The following DNAJC28 variants were observed in gnomAD, a reference collection of about 807,000 sequenced individuals.
The protein encoded by DNAJC28 is DnaJ heat shock protein family (Hsp40) member C28.
Under a neutral mutation model 33.3 loss-of-function variants are expected in DNAJC28, and 24 were observed. The observed-to-expected ratio is 0.72, with a 90% CI of 0.52 to 1.01. The LOEUF is 1.01. Among genes scored for constraint, DNAJC28 ranks in the 50% least tolerant of loss-of-function variants. The pLI is 0.00. For synonymous variants in DNAJC28, 120 were observed against 147.2 expected (o/e 0.82, Z 1.34); for missense variants, 442 against 455.2 (o/e 0.97, Z 0.26).
At chr21:33,490,685 C>T (rs1252820662) in intron 1 of DNAJC28, among the ~76,000 whole-genome samples, 1 of 151,870 alleles carries the variant, frequency 6.6e-6, no homozygotes, top group African/African-American at 2.4e-5. Context: ...CGCTTGAACC[C>T]GGGAGGTGGA....
chr21:33,488,336 C>T lies in DNAJC28; in HGVS notation c.1058G>A (p.Arg353Lys), dbSNP rs2084480308. ...TCCTTGATCAAGGTTATTTGGGTTT[C>T]TATCTGTGACTTCTTTTGTTTTTAT... is the stretch of plus-strand genomic sequence containing the variant. ...TLIKTKEVTD[R>K]NPNNLDQGEG... Residue 353 changes from arginine to lysine, a missense_variant, in exon 2 of 2, where the codon AGA becomes AAA. By Grantham distance (26) the Arg-to-Lys change is conservative. Coordinates refer to ENST00000381947, the MANE Select transcript of DNAJC28 (RefSeq NM_001040192.3). 4 of 1,583,350 alleles carry T rather than the reference C, an allele frequency of 2.5e-6. No individual in the cohort carries two copies. The highest frequency in any genetic ancestry group is 3.4e-6 in the Non-Finnish European group (4 of 1,172,264).
In DNAJC28 at chr21:33,488,957, G is replaced by A. The variant is rs1319923729; in HGVS notation, c.437C>T (p.Thr146Ile). 1.2e-6 allele frequency: 2 copies of A among 1,613,756 alleles called. No homozygotes were observed. Among genetic ancestry groups the A allele is most frequent in the Admixed American group, 1.7e-5 (1 of 59,978 alleles). The change falls in exon 2 of 2, where the codon ACT becomes ATT. Residue 146 changes from threonine to isoleucine, a missense_variant. Coordinates refer to ENST00000381947, the MANE Select transcript of DNAJC28 (RefSeq NM_001040192.3). ...YLSFEGIGFG[T>I]PTQREKHYRQ... is the part of the protein sequence containing the mutation. ...ATAATGCTTCTCTCGTTGAGTTGGA[G>A]TCCCAAAACCAATACCTTCAAAACT...
In DNAJC28 at chr21:33,488,757, C is replaced by T; in HGVS notation, c.637G>A (p.Ala213Thr). ...CTGAGATTGTCAAAGTCTCCTTTTG[C>T]CATGGATTCTTGAATGAGGTCCTCC... ...LVEDLIQESMAKGDFDNLSGK... is the reference protein window; with the variant it reads ...LVEDLIQESMTKGDFDNLSGK... Residue 213 changes from alanine (A) to threonine (T), a missense_variant, in exon 2 of 2, where the codon GCA becomes ACA. Physicochemically the swap from Ala to Thr is moderately conservative, Grantham distance 58 (BLOSUM62 0). Transcript: ENST00000381947. 6.2e-7 allele frequency: 1 copy of T among 1,612,698 alleles called. No homozygotes were observed. The highest frequency in any genetic ancestry group is 1.3e-5 in the African/African-American group (1 of 74,946).
In DNAJC28 at chr21:33,488,671, G is replaced by A. The variant is rs1028315934; in HGVS notation, c.723C>T (p.His241=). 6 of 1,612,294 alleles carry A rather than the reference G, an allele frequency of 3.7e-6. No homozygotes were observed. The African/African-American group carries it at 8.0e-5, about 22-fold the overall frequency. The part of the protein sequence containing the change: ...SDCSYIDPMT[H]NLNRILIDNG... ...TATCGATCAGTATTCGGTTCAGGTT[G>A]TGAGTCATGGGATCAATGTAAGAAC... The change falls in exon 2 of 2, where the codon CAC becomes CAT. Residue 241 remains histidine, a synonymous_variant. Transcript: ENST00000381947.
chr21:33,489,593 T>A, intron 1 of DNAJC28, among the ~76,000 whole-genome samples, 169 bp from the exon 2 acceptor site: 1 of 144,038 alleles, frequency 6.9e-6, no homozygotes, highest in Non-Finnish European at 1.5e-5. Context: ...TGAGACAGAG[T>A]CTCGCTCTGT....
chr21:33,490,120 CT>C (rs899299286), intron 1 of DNAJC28, among the ~76,000 whole-genome samples: 297 of 132,748 alleles, frequency 2.2e-3, no homozygotes, highest in Middle Eastern at 4.4e-3. Flanking sequence ...CTTTTCTTTT[CT>C]TTTTTTTTTT....
In DNAJC28 at chr21:33,488,342, G is replaced by GTT. The variant is rs1485695932; in HGVS notation, c.1051_1052insAA (p.Thr351LysfsTer25). On this transcript the variant is annotated frameshift_variant, in exon 2 of 2. Transcript: ENST00000381947. LOFTEE classifies it high-confidence loss of function. ...ATCAAGGTTATTTGGGTTTCTATCT[G>GTT]TGACTTCTTTTGTTTTTATAAGGGT... 4.4e-6 allele frequency: 7 copies of GTT among 1,585,038 alleles called. No individual in the cohort carries two copies. Among genetic ancestry groups the GTT allele is most frequent in the Non-Finnish European group, 5.1e-6 (6 of 1,173,036 alleles).
chr21:33,489,217 C>T lies in DNAJC28; in HGVS notation c.177G>A (p.Glu59=). ...IREYYRLLNV[E]EGCSADEVRE... ...TGACTTCATCTGCAGAGCATCCTTC[C>T]TCCACGTTCAGCAGTCTATAATATT... The change falls in exon 2 of 2, where the codon GAG becomes GAA. Residue 59 remains glutamate, a synonymous_variant. Coordinates refer to ENST00000381947, the MANE Select transcript of DNAJC28 (RefSeq NM_001040192.3). The T allele has an allele frequency of 6.2e-7, 1 of 1,606,258 alleles. No individual in the cohort carries two copies. Among genetic ancestry groups the T allele is most frequent in the Non-Finnish European group, 8.5e-7 (1 of 1,177,518 alleles).
In DNAJC28 at chr21:33,491,698, G is replaced by GA. The variant is rs372432804; in HGVS notation, c.-129_-128insT. 160 of 152,418 alleles carry GA rather than the reference G, an allele frequency of 1.0e-3. No individual in the cohort carries two copies. The highest frequency in any genetic ancestry group is 3.5e-3 in the African/African-American group (146 of 41,580). 9.4% of individuals were successfully genotyped at this position (152,418 alleles called of 1,614,324 possible). A position where few individuals can be genotyped will look rare whatever the true frequency, so the allele number is the denominator to read the frequency against. ...CAGGCAGGGCACCTCGGGAGCCTTC[G>GA]TCCCGACCGGGGACCACCAGCTCCA... On this transcript the variant is annotated 5_prime_UTR_variant, in exon 1 of 2. Coordinates refer to ENST00000381947, the MANE Select transcript of DNAJC28 (RefSeq NM_001040192.3).
chr21:33,489,938 C>A (rs1468065012), intron 1 of DNAJC28, among the ~76,000 whole-genome samples: 1 of 151,464 alleles, frequency 6.6e-6, no homozygotes, highest in Non-Finnish European at 1.5e-5. Flanking sequence ...GGACTACAGG[C>A]GTGCACCACC....
At chr21:33,491,375 TATC>T (rs2084522064) in intron 1 of DNAJC28, 1 of 152,314 alleles carries the variant, frequency 6.6e-6, no homozygotes, top group Admixed American at 6.5e-5. Context: ...CGAAGGTGGT[TATC>T]ATGGCAAGGG....
In DNAJC28 at chr21:33,488,945, CGTT is replaced by C; in HGVS notation, c.446_448del (p.Gln149del). 18 of 1,613,794 alleles carry C rather than the reference CGTT, an allele frequency of 1.1e-5. No individual in the cohort carries two copies. The highest frequency in any genetic ancestry group is 1.5e-5 in the Non-Finnish European group (18 of 1,180,018). On this transcript the variant is annotated inframe_deletion, in exon 2 of 2. Transcript: ENST00000381947. ...CCTAAATTGCCTATAATGCTTCTCTCGTTGAGTTGGAGTCCCAAAACCAATACC... is the reference window on the plus strand; with the variant it reads ...CCTAAATTGCCTATAATGCTTCTCTCGAGTTGGAGTCCCAAAACCAATACC...
chr21:33,489,382 C>T lies in DNAJC28; in HGVS notation c.12G>A (p.Met4Ile). The change falls in exon 2 of 2, where the codon ATG (methionine) becomes ATA (isoleucine). Residue 4 changes from methionine (M) to isoleucine (I), a missense_variant. Physicochemically the swap from Met to Ile is conservative, Grantham distance 10. Transcript: ENST00000381947. Reference protein sequence around the residue: MNTMYVMMAQILRS... With the variant: MNTIYVMMAQILRS... The stretch of plus-strand genomic sequence containing the variant: ...TTAAGATCTGAGCCATCATCACATA[C>T]ATTGTATTCATTATTGTACCCAGAG... 1 of 1,517,730 alleles carries T rather than the reference C, an allele frequency of 6.6e-7. No individual in the cohort carries two copies. Among genetic ancestry groups the T allele is most frequent in the Non-Finnish European group, 8.8e-7 (1 of 1,138,510 alleles). The allele number at this position is 1,517,730 out of a possible 1,614,324, so 94.0% of individuals were successfully genotyped here.
Position 33,488,326 on chromosome 21 carries a change from A to C in DNAJC28, c.1068T>G (p.Asn356Lys). 6.3e-7 allele frequency: 1 copy of C among 1,580,244 alleles called. No individual in the cohort carries two copies. The change falls in exon 2 of 2, where the codon AAT (asparagine) becomes AAG (lysine). Residue 356 changes from asparagine (N) to lysine (K), a missense_variant. Transcript: ENST00000381947. ...KTKEVTDRNP[N>K]NLDQGEGEKT... Reference sequence around the variant, plus strand: ...TCTCTCCTTCTCCTTGATCAAGGTTATTTGGGTTTCTATCTGTGACTTCTT... The same window carrying C: ...TCTCTCCTTCTCCTTGATCAAGGTTCTTTGGGTTTCTATCTGTGACTTCTT...
rs769632462 is a variant in DNAJC28, at chr21:33,489,567, C to CTTTTTTTT, written c.-31-151_-31-144dup. ...TTTGAATGCTGCTGTCAACTTTTTC[C>CTTTTTTTT]TTTTTTTTTTTTTTTTGAGACAGAG... On this transcript the variant is annotated intron_variant, in intron 1 of 1. Coordinates refer to ENST00000381947, the MANE Select transcript of DNAJC28 (RefSeq NM_001040192.3). The CTTTTTTTT allele has an allele frequency of 2.0e-3, 713 of 359,448 alleles. 3 individuals are homozygous for CTTTTTTTT. The highest frequency in any genetic ancestry group is 0.016 in the African/African-American group (677 of 42,558). 22.3% of individuals were successfully genotyped at this position (359,448 alleles called of 1,614,324 possible).
rs1021076959 is a variant in DNAJC28, at chr21:33,488,730, C to T, written c.664G>A (p.Gly222Arg). ...MAKGDFDNLS[G>R]KGKPLKKFSD... ...AACTTTTTCAGAGGTTTTCCTTTCC[C>T]ACTGAGATTGTCAAAGTCTCCTTTT... Residue 222 changes from glycine (G) to arginine (R), a missense_variant, in exon 2 of 2, where the codon GGG becomes AGG. Transcript: ENST00000381947. 1 of 1,611,740 alleles carries T rather than the reference C, an allele frequency of 6.2e-7. No individual in the cohort carries two copies. The highest frequency in any genetic ancestry group is 8.5e-7 in the Non-Finnish European group (1 of 1,179,490).
At chr21:33,491,084 G>C (rs2084518702) in intron 1 of DNAJC28, 1 of 152,168 alleles carries the variant, frequency 6.6e-6, no homozygotes, top group Non-Finnish European at 1.5e-5. Context: ...ATACTGGATT[G>C]AATAGAATCA....
Position 33,489,097 on chromosome 21 carries a change from A to G in DNAJC28, c.297T>C (p.Tyr99=). The G allele has an allele frequency of 6.2e-7, 1 of 1,613,954 alleles. No homozygotes were observed. The highest frequency in any genetic ancestry group is 8.5e-7 in the Non-Finnish European group (1 of 1,180,014). Residue 99 remains tyrosine (Y), a synonymous_variant, in exon 2 of 2, where the codon TAT becomes TAC. Coordinates refer to ENST00000381947, the MANE Select transcript of DNAJC28 (RefSeq NM_001040192.3). ...CTATCACATGGGAGAGCACCTTTCTATAAGCTTTTTCAATCCTTATAAATG... is the reference window on the plus strand; with the variant it reads ...CTATCACATGGGAGAGCACCTTTCTGTAAGCTTTTTCAATCCTTATAAATG... ...SATFIRIEKA[Y]RKVLSHVIEQ...
At chr21:33,489,861 G>A (rs977239302) in intron 1 of DNAJC28, among the ~76,000 whole-genome samples, 4 of 141,222 alleles carry the variant, frequency 2.8e-5, no homozygotes, top group South Asian at 2.2e-4. Context: ...TGGCACAATC[G>A]TGGCTCACTG....
Sources: allele counts gnomAD v4.1 joint callset (sites outside exome capture counted in the v4.1 genomes callset), GRCh38; gene constraint gnomAD v4.1.1; transcripts MANE v1.5; gene names NCBI Gene and HGNC (gene_info 2026-07-23, HGNC 2026-07-21).